ADCY8: variants seen among roughly 807,000 people sequenced by gnomAD.
ADCY8 encodes adenylate cyclase 8.
Under a neutral mutation model 119.7 loss-of-function variants are expected in ADCY8, and 51 were observed. That is an observed-to-expected ratio of 0.43 (90% confidence interval 0.34 to 0.54). The LOEUF (loss-of-function observed/expected upper bound fraction) is 0.54. ADCY8 is among the 20% of genes least tolerant of loss of function. The pLI is 0.03. For synonymous variants in ADCY8, 665 were observed against 651.0 expected, an observed-to-expected ratio of 1.02 and a Z score of -0.33; for missense variants, 1,383 against 1,598.8, an observed-to-expected ratio of 0.87 and a Z score of 2.30.
chr8:130,987,936 T>C (rs189377802), intron 2 of ADCY8, among the ~76,000 whole-genome samples: 6 of 152,316 alleles, frequency 3.9e-5, no homozygotes, highest in African/African-American at 1.4e-4. Context: ...GTTGACTGAT[T>C]CATATAAATC....
At chr8:130,964,851 T>C (rs1427359228) in intron 2 of ADCY8, among the ~76,000 whole-genome samples, 1 of 152,246 alleles carries the variant, frequency 6.6e-6, no homozygotes, top group Non-Finnish European at 1.5e-5. Context: ...TTTTCACTTT[T>C]TAATAATAGC....
rs114842797 is a variant in ADCY8, at chr8:130,921,093, C to T, written c.1482-11227G>A. On this transcript the variant is annotated intron_variant, in intron 5 of 17. Coordinates refer to ENST00000286355, the MANE Select transcript of ADCY8 (RefSeq NM_001115.3). ...TCATCTCTACCTGTCAATACTTTTC[C>T]TTTTTGAAATAACATTTTCTTTTCT... 3.7e-3 allele frequency among the ~76,000 whole-genome samples: 569 copies of T among 152,304 alleles called. 6 individuals carry two copies. The highest frequency in any genetic ancestry group is 0.012 in the African/African-American group (514 of 41,564).
intron 1 of ADCY8, among the ~76,000 whole-genome samples, chr8:131,011,200 C>T (rs1344052937): frequency 1.3e-5 from 2 of 151,948 alleles, no homozygotes; most frequent in African/African-American, 4.8e-5. Context: ...ATTAATGACC[C>T]ATGAGTTGCT....
At chr8:130,984,051 C>T (rs1248918856) in intron 2 of ADCY8, among the ~76,000 whole-genome samples, 1 of 149,658 alleles carries the variant, frequency 6.7e-6, no homozygotes, top group Non-Finnish European at 1.5e-5. Context: ...AGGACAGCAG[C>T]CTGAATGTCT....
intron 11 of ADCY8, among the ~76,000 whole-genome samples, chr8:130,843,885 T>C (rs1340428737): frequency 6.6e-6 from 1 of 152,058 alleles, no homozygotes; most frequent in African/African-American, 2.4e-5. Context: ...GATGACACCA[T>C]AAGGGTATGT....
At position 130,967,498 on chromosome 8, in the gene ADCY8, C is replaced by T. The variant is rs138395367; in HGVS notation, c.1111-15500G>A. On this transcript the variant is annotated intron_variant, in intron 2 of 17. Coordinates refer to ENST00000286355, the MANE Select transcript of ADCY8 (RefSeq NM_001115.3). ...TACCTGTCTCCCAGGATTGTTTAGA[C>T]TAAATGACAAAGCTCCTTATGAAAA... is the stretch of plus-strand genomic sequence containing the variant. 3.0e-3 allele frequency among the ~76,000 whole-genome samples: 457 copies of T among 152,252 alleles called. 3 individuals carry two copies. Among genetic ancestry groups the T allele is most frequent in the Middle Eastern group, 0.01 (3 of 294 alleles).
intron 2 of ADCY8, 42 bp from the exon 3 acceptor site, chr8:130,952,040 C>T (rs750075462): frequency 1.6e-5 from 25 of 1,606,138 alleles, no homozygotes; most frequent in East Asian, 2.2e-5. Flanking sequence ...GGCTGACCAG[C>T]GAGTCTCAGA....
chr8:130,907,264 T>C (rs894346100), intron 6 of ADCY8, among the ~76,000 whole-genome samples: 1 of 152,172 alleles, frequency 6.6e-6, no homozygotes, highest in African/African-American at 2.4e-5. Flanking sequence ...CAGCAAGCTA[T>C]GGTTTAATAA....
chr8:131,021,035 A>G (rs1057019000), intron 1 of ADCY8, among the ~76,000 whole-genome samples: 3 of 152,234 alleles, frequency 2.0e-5, no homozygotes, highest in Admixed American at 6.5e-5. Flanking sequence ...GATTAAACAG[A>G]TAAGTATAAG....
chr8:130,898,302 C>G (rs1366930987), intron 7 of ADCY8, among the ~76,000 whole-genome samples: 1 of 130,432 alleles, frequency 7.7e-6, no homozygotes, highest in Non-Finnish European at 1.7e-5. Context: ...GCACACCACT[C>G]CCGACATGCT....
At chr8:130,863,308 G>A (rs912475820) in intron 9 of ADCY8, among the ~76,000 whole-genome samples, 1 of 150,252 alleles carries the variant, frequency 6.7e-6, no homozygotes, top group African/African-American at 2.4e-5. Context: ...TTTCATTAAT[G>A]TTAGCATGGT....
At chr8:130,909,503 T>G (rs921642186) in intron 6 of ADCY8, among the ~76,000 whole-genome samples, 1 of 152,166 alleles carries the variant, frequency 6.6e-6, no homozygotes, top group African/African-American at 2.4e-5. Context: ...CCCGAACACC[T>G]CAGTGTTATT....
intron 2 of ADCY8, among the ~76,000 whole-genome samples, chr8:130,953,046 A>G (rs1248062907): frequency 6.6e-6 from 1 of 152,220 alleles, no homozygotes; most frequent in African/African-American, 2.4e-5. Flanking sequence ...AACTAGCAAC[A>G]TGAATTAAAT....
intron 5 of ADCY8, among the ~76,000 whole-genome samples, chr8:130,929,243 T>A (rs141733163): frequency 0.021 from 3,272 of 152,262 alleles, 73 homozygotes; most frequent in South Asian, 0.079. Flanking sequence ...AATGTTAGGT[T>A]GTTTATTTGA....
chr8:130,822,733 A>G (rs1362952896), intron 12 of ADCY8, among the ~76,000 whole-genome samples: 1 of 152,176 alleles, frequency 6.6e-6, no homozygotes, highest in East Asian at 1.9e-4. Context: ...TAAAGACATG[A>G]GGTTTGGACT....
chr8:130,909,830 C>T lies in ADCY8; in HGVS notation c.1518G>A (p.Met506Ile). ...CCGAGCCGGAGTGGATTCCAATCCT[C>T]ATGTCAACATCGTGTTTTGTCCTTG... is the stretch of plus-strand genomic sequence containing the variant. ...VRSRTKHDVD[M>I]RIGIHSGSVL... Residue 506 changes from methionine (M) to isoleucine (I), a missense_variant, in exon 6 of 18, where the codon ATG becomes ATA. Met to Ile is a conservative substitution (Grantham distance 10). Around this residue, in one of 2 missense-constraint regions of ADCY8, gnomAD observed 928 missense variants for 1,163.5 expected, o/e 0.80. Transcript: ENST00000286355. The T allele has an allele frequency of 1.2e-6, 2 of 1,614,142 alleles. No homozygotes were observed. Among genetic ancestry groups the T allele is most frequent in the Non-Finnish European group, 1.7e-6 (2 of 1,180,010 alleles).
intron 7 of ADCY8, among the ~76,000 whole-genome samples, chr8:130,902,659 T>C (rs1819640990): frequency 6.6e-6 from 1 of 152,136 alleles, no homozygotes; most frequent in South Asian, 2.1e-4. Context: ...AACCTTTCCA[T>C]TTAAAATTTT....
At chr8:130,801,527 C>G (rs563659646) in intron 14 of ADCY8, among the ~76,000 whole-genome samples, 3 of 152,336 alleles carry the variant, frequency 2.0e-5, no homozygotes, top group African/African-American at 7.2e-5. Flanking sequence ...CTAGCCTCCT[C>G]TCCCTGCTCC....
At chr8:130,805,379 A>G (rs1815914866) in intron 14 of ADCY8, among the ~76,000 whole-genome samples, 1 of 152,220 alleles carries the variant, frequency 6.6e-6, no homozygotes, top group Non-Finnish European at 1.5e-5. Flanking sequence ...CAGCAGTAAT[A>G]ATAATAATGA....
Sources: gnomAD v4.1 joint callset for allele counts (sites outside exome capture counted in the v4.1 genomes callset) on GRCh38, gnomAD v4.1.1 for gene constraint, gnomAD v4.1.1 regional missense constraint, MANE v1.5 for transcripts, NCBI Gene and HGNC (gene_info 2026-07-23, HGNC 2026-07-21) for gene names.